Variants in SHLD1 observed in about 807,000 individuals in gnomAD.
The protein encoded by SHLD1 is shieldin complex subunit 1, also known as RINN1-REV7-interacting novel NHEJ regulator 3.
SHLD1 carries 3 observed loss-of-function variants against 5.5 expected under a neutral mutation model. The observed-to-expected ratio is 0.54, with a 90% CI of 0.25 to 1.40. The LOEUF is 1.40. Among genes scored for constraint, SHLD1 ranks in the 40% most tolerant of loss-of-function variants. SHLD1 has a pLI of 0.15. For missense variants in SHLD1, 210 were observed against 244.4 expected (o/e 0.86, Z 0.94); for synonymous variants, 92 against 94.3 (o/e 0.98, Z 0.14).
chr20:5,805,976 C>T (rs1293744395), intron 2 of SHLD1, among the ~76,000 whole-genome samples: 1 of 152,166 alleles, frequency 6.6e-6, no homozygotes, highest in Non-Finnish European at 1.5e-5. Context: ...GGGGAGAAAG[C>T]ACAGCCTTTG....
intron 2 of SHLD1, among the ~76,000 whole-genome samples, chr20:5,809,458 GA>G (rs1212561101): frequency 6.6e-6 from 1 of 151,998 alleles, no homozygotes; most frequent in Non-Finnish European, 1.5e-5. Context: ...TGCCTCCCCT[GA>G]AGTGGGTCCC....
intron 1 of SHLD1, among the ~76,000 whole-genome samples, chr20:5,754,473 A>G (rs1212614950): frequency 1.3e-5 from 2 of 152,168 alleles, no homozygotes; most frequent in South Asian, 2.1e-4. Flanking sequence ...AGAGGTGGTT[A>G]TAACAAGGTA....
chr20:5,806,008 T>C lies in SHLD1; in HGVS notation c.178+32965T>C, dbSNP rs1211094681. 2.6e-5 allele frequency among the ~76,000 whole-genome samples: 4 copies of C among 152,190 alleles called. No individual in the cohort carries two copies. The highest frequency in any genetic ancestry group is 9.7e-5 in the African/African-American group (4 of 41,446). ...TTTGGGGTTTGAAGGGCATTATCGC[T>C]TTAAACATGTTTTTTGATTTAAATT... On this transcript the variant is annotated intron_variant, in intron 2 of 2. Coordinates refer to ENST00000303142, the MANE Select transcript of SHLD1 (RefSeq NM_152504.4). The surrounding 1 kb of genome is among the most constrained non-coding windows in gnomAD (Gnocchi z 7.6).
At chr20:5,860,256 A>G (rs1399318446) in intron 2 of SHLD1, among the ~76,000 whole-genome samples, 2 of 152,192 alleles carry the variant, frequency 1.3e-5, no homozygotes, top group Non-Finnish European at 2.9e-5. Flanking sequence ...CAATTACCCA[A>G]GCTAAGGCTT....
chr20:5,780,855 C>T (rs1286308248), intron 2 of SHLD1, among the ~76,000 whole-genome samples: 1 of 152,176 alleles, frequency 6.6e-6, no homozygotes, highest in Non-Finnish European at 1.5e-5. Context: ...CCCTAGGAGC[C>T]AAACTGGATG....
intron 1 of SHLD1, among the ~76,000 whole-genome samples, chr20:5,751,036 G>T (rs986617060): frequency 3.3e-5 from 5 of 151,960 alleles, no homozygotes; most frequent in African/African-American, 9.7e-5. Flanking sequence ...GGGTTTTTTT[G>T]TTGTTGTTGA....
intron 2 of SHLD1, among the ~76,000 whole-genome samples, chr20:5,785,026 C>T (rs1470174062): frequency 6.6e-6 from 1 of 152,192 alleles, no homozygotes; most frequent in African/African-American, 2.4e-5. Flanking sequence ...CTCTCAAGGG[C>T]TTCTTCAAGT....
chr20:5,830,256 T>G (rs1028381492), intron 2 of SHLD1, among the ~76,000 whole-genome samples: 2 of 152,230 alleles, frequency 1.3e-5, no homozygotes, highest in Admixed American at 6.5e-5. Context: ...TGGTAGTGTG[T>G]TCACATCACG....
chr20:5,794,064 A>G (rs1413556180), intron 2 of SHLD1, among the ~76,000 whole-genome samples: 1 of 151,784 alleles, frequency 6.6e-6, no homozygotes, highest in African/African-American at 2.4e-5. Context: ...ATCACGTTCT[A>G]CATTTTCTGA....
Position 5,772,911 on chromosome 20 carries a change from A to G in SHLD1, c.46A>G (p.Ser16Gly). 1.2e-6 allele frequency: 2 copies of G among 1,614,180 alleles called. No homozygotes were observed. The highest frequency in any genetic ancestry group is 1.7e-6 in the Non-Finnish European group (2 of 1,180,020). The change falls in exon 2 of 3, where the codon AGT becomes GGT. Residue 16 changes from serine to glycine, a missense_variant. By Grantham distance (56) the Ser-to-Gly change is moderately conservative. Transcript: ENST00000303142. The part of the protein sequence containing the change: ...ATSGSLSEES[S>G]ALDLPSACDI... The stretch of plus-strand genomic sequence containing the variant: ...TTCAGGCAGCCTGTCAGAGGAGAGC[A>G]GTGCTTTGGACCTGCCATCAGCGTG...
At chr20:5,817,943 A>G (rs1403641316) in intron 2 of SHLD1, among the ~76,000 whole-genome samples, 1 of 152,112 alleles carries the variant, frequency 6.6e-6, no homozygotes, top group African/African-American at 2.4e-5. Context: ...CCAGCAGAAC[A>G]CTGGGGGCAA....
At chr20:5,827,277 G>A (rs1469126057) in intron 2 of SHLD1, among the ~76,000 whole-genome samples, 1 of 152,194 alleles carries the variant, frequency 6.6e-6, no homozygotes, top group African/African-American at 2.4e-5. Flanking sequence ...ATCCAAGGAT[G>A]TAAATAGTCC....
At chr20:5,807,639 T>C (rs1451763510) in intron 2 of SHLD1, among the ~76,000 whole-genome samples, 1 of 152,176 alleles carries the variant, frequency 6.6e-6, no homozygotes, top group Non-Finnish European at 1.5e-5. Flanking sequence ...CCTGAGTCAC[T>C]GGGACATATT....
rs965510178 is a variant in SHLD1, at chr20:5,864,029, A to C, written c.*566A>C. On this transcript the variant is annotated 3_prime_UTR_variant, in exon 3 of 3. Coordinates refer to ENST00000303142, the MANE Select transcript of SHLD1 (RefSeq NM_152504.4). ...CGAATCAGGTATAAGGAATTATATC[A>C]AGTTGTAAAACTGAGACCATGTCAT... 6.6e-6 allele frequency: 1 copy of C among 152,356 alleles called. No homozygotes were observed. The highest frequency in any genetic ancestry group is 2.4e-5 in the African/African-American group (1 of 41,474). The allele number at this position is 152,356 out of a possible 1,614,324, so 9.4% of individuals were successfully genotyped here. A position where few individuals can be genotyped will look rare whatever the true frequency, so the allele number is the denominator to read the frequency against.
At chr20:5,762,829 C>T (rs1400441446) in intron 1 of SHLD1, among the ~76,000 whole-genome samples, 1 of 151,828 alleles carries the variant, frequency 6.6e-6, no homozygotes, top group Non-Finnish European at 1.5e-5. Context: ...AAAAATTAGC[C>T]AGGTGTGGTA....
chr20:5,845,034 G>A (rs1308876241), intron 2 of SHLD1, among the ~76,000 whole-genome samples: 1 of 151,708 alleles, frequency 6.6e-6, no homozygotes, highest in Non-Finnish European at 1.5e-5. Context: ...CTGACCTCAG[G>A]TGATCCACCT....
At chr20:5,857,767 C>T (rs559982468) in intron 2 of SHLD1, among the ~76,000 whole-genome samples, 2 of 151,968 alleles carry the variant, frequency 1.3e-5, no homozygotes, top group South Asian at 2.1e-4. Flanking sequence ...CTGTGTTGCG[C>T]CATGGCACTC....
At chr20:5,792,887 C>A (rs762418398) in intron 2 of SHLD1, among the ~76,000 whole-genome samples, 10 of 151,860 alleles carry the variant, frequency 6.6e-5, no homozygotes, top group Non-Finnish European at 1.0e-4. Flanking sequence ...GTTGGCCAGG[C>A]TGGTCTCGAA....
At chr20:5,771,598 C>T (rs1052439052) in intron 1 of SHLD1, among the ~76,000 whole-genome samples, 3 of 151,584 alleles carry the variant, frequency 2.0e-5, no homozygotes, top group African/African-American at 7.3e-5. Context: ...CACTTATGTA[C>T]TGTGGCCATA....
Sources: gnomAD v4.1 joint callset for allele counts (sites outside exome capture counted in the v4.1 genomes callset) on GRCh38, gnomAD v4.1.1 for gene constraint, Gnocchi (gnomAD v3.1) non-coding constraint, MANE v1.5 for transcripts, NCBI Gene and HGNC (gene_info 2026-07-23, HGNC 2026-07-21) for gene names.